LRRC28: variants seen among roughly 807,000 people sequenced by gnomAD.
The protein encoded by LRRC28 is leucine-rich repeat-containing protein 28.
LRRC28 carries 39 observed loss-of-function variants against 45.7 expected under a neutral mutation model. That is an observed-to-expected ratio of 0.85 (90% CI 0.66 to 1.12). The LOEUF is 1.12. Among genes scored for constraint, LRRC28 ranks in the 50% most tolerant of loss-of-function variants. The pLI is 0.00. For missense variants in LRRC28, 435 were observed against 438.5 expected (o/e 0.99, Z 0.07); for synonymous variants, 206 against 178.8 (o/e 1.15, Z -1.22).
chr15:99,302,238 A>G (rs1955004102), intron 5 of LRRC28, among the ~76,000 whole-genome samples: 1 of 152,108 alleles, frequency 6.6e-6, no homozygotes, highest in South Asian at 2.1e-4. Flanking sequence ...CGTGTTAGCC[A>G]GGATGGTCTC....
Position 99,361,476 on chromosome 15 carries a change from G to A in LRRC28, c.836G>A (p.Arg279Lys). The change falls in exon 8 of 10, where the codon AGA becomes AAA. Residue 279 changes from arginine (R) to lysine (K), a missense_variant. Arg to Lys is a conservative substitution (Grantham distance 26). Transcript: ENST00000301981. ...CTCCCTCTGCAGGAATTGGCTATGA[G>A]AGGGCTGTATCATACCTACCACAGC... ...HVLPLQELAM[R>K]GLYHTYHSLL... 6.2e-7 allele frequency: 1 copy of A among 1,613,692 alleles called. No individual in the cohort carries two copies. The highest frequency in any genetic ancestry group is 8.5e-7 in the Non-Finnish European group (1 of 1,179,818).
At chr15:99,348,578 T>G (rs751985522) in intron 6 of LRRC28, among the ~76,000 whole-genome samples, 3 of 152,172 alleles carry the variant, frequency 2.0e-5, no homozygotes, top group Admixed American at 6.5e-5. Context: ...TTTGGATTCA[T>G]TTCTGGACTC....
intron 6 of LRRC28, among the ~76,000 whole-genome samples, chr15:99,350,218 A>G (rs189282592): frequency 6.6e-6 from 1 of 152,260 alleles, no homozygotes; most frequent in East Asian, 1.9e-4. Context: ...GGATGGCAAA[A>G]ATTTAAAAAC....
At chr15:99,288,712 C>T (rs1445162182) in intron 5 of LRRC28, among the ~76,000 whole-genome samples, 7 of 150,990 alleles carry the variant, frequency 4.6e-5, no homozygotes, top group African/African-American at 1.7e-4. Context: ...CAGAGTCTCA[C>T]TCTGTTGCCC....
intron 6 of LRRC28, among the ~76,000 whole-genome samples, chr15:99,336,567 C>T (rs1325243373): frequency 6.6e-6 from 1 of 152,202 alleles, no homozygotes; most frequent in African/African-American, 2.4e-5. Flanking sequence ...TCGTTGGCCT[C>T]ATTCAATCTC....
chr15:99,253,436 TA>T (rs2080924690), intron 1 of LRRC28, among the ~76,000 whole-genome samples: 1 of 152,288 alleles, frequency 6.6e-6, no homozygotes, highest in East Asian at 1.9e-4. Context: ...AAGTAATTTT[TA>T]TGTTGAAATC....
chr15:99,322,162 G>C (rs1411976583), intron 5 of LRRC28, among the ~76,000 whole-genome samples: 2 of 152,178 alleles, frequency 1.3e-5, no homozygotes, highest in South Asian at 2.1e-4. Context: ...GCGAGGTGGG[G>C]AAGAGAGGTG....
intron 7 of LRRC28, among the ~76,000 whole-genome samples, chr15:99,359,124 C>T (rs1045469239): frequency 6.6e-6 from 1 of 151,564 alleles, no homozygotes; most frequent in Non-Finnish European, 1.5e-5. Context: ...CTGGAAGAAA[C>T]TTTAGGATAA....
chr15:99,266,464 C>A (rs1264616156), intron 2 of LRRC28, among the ~76,000 whole-genome samples: 4 of 149,256 alleles, frequency 2.7e-5, no homozygotes, highest in Admixed American at 6.7e-5. Context: ...CATAGTGAGA[C>A]CTTGTCTAAA....
At chr15:99,258,702 C>T (rs2081101644) in intron 2 of LRRC28, 4 of 713,176 alleles carry the variant, frequency 5.6e-6, no homozygotes, top group Admixed American at 1.9e-5. Context: ...AAATCATTTT[C>T]AAAGGAAAGT....
intron 6 of LRRC28, among the ~76,000 whole-genome samples, chr15:99,338,866 A>G (rs564067890): frequency 2.6e-4 from 40 of 152,194 alleles, no homozygotes; most frequent in Non-Finnish European, 4.9e-4. Flanking sequence ...CTCTTTGACT[A>G]TGTTCTTCTT....
At chr15:99,324,414 C>G (rs1036611705) in intron 5 of LRRC28, among the ~76,000 whole-genome samples, 1 of 152,080 alleles carries the variant, frequency 6.6e-6, no homozygotes, top group South Asian at 2.1e-4. Context: ...TGCTCTGGAG[C>G]TCAACTTAGA....
chr15:99,258,847 C>T (rs2081105912), intron 2 of LRRC28: 5 of 702,942 alleles, frequency 7.1e-6, no homozygotes, highest in South Asian at 5.5e-5. Flanking sequence ...ACATTAAGCT[C>T]TATGTGCGCT....
chr15:99,348,374 A>G (rs1248863536), intron 6 of LRRC28, among the ~76,000 whole-genome samples: 1 of 152,026 alleles, frequency 6.6e-6, no homozygotes, highest in Non-Finnish European at 1.5e-5. Flanking sequence ...CTTTTCTCCT[A>G]TGTTTTATTC....
chr15:99,309,561 A>G (rs964103352), intron 5 of LRRC28, among the ~76,000 whole-genome samples: 11 of 152,168 alleles, frequency 7.2e-5, no homozygotes, highest in Admixed American at 7.2e-4. Context: ...GGCACGCGCC[A>G]CCACGCCTGG....
chr15:99,253,378 C>A (rs1283881461), intron 1 of LRRC28, among the ~76,000 whole-genome samples: 5 of 152,178 alleles, frequency 3.3e-5, no homozygotes, highest in Non-Finnish European at 7.3e-5. Flanking sequence ...TCCTCGGCCT[C>A]CCAAAGTGCT....
At chr15:99,371,226 A>G (rs1957475909) in intron 9 of LRRC28, among the ~76,000 whole-genome samples, 1 of 152,206 alleles carries the variant, frequency 6.6e-6, no homozygotes, top group South Asian at 2.1e-4. Flanking sequence ...GTTAGCAAAC[A>G]CACTTCGAAC....
Position 99,361,326 on chromosome 15 carries a change from C to CT in LRRC28, c.696-7dup, listed in dbSNP as rs761121770. The CT allele has an allele frequency of 3.7e-5, 59 of 1,606,296 alleles. No individual in the cohort carries two copies. The highest frequency in any genetic ancestry group is 5.0e-5 in the Non-Finnish European group (59 of 1,177,084). On this transcript the variant is annotated splice_polypyrimidine_tract_variant and intron_variant, in intron 7 of 9. Transcript: ENST00000301981. The stretch of plus-strand genomic sequence containing the variant: ...TGCTAATAATACTGTGAATGTGTGT[C>CT]TTTCTGCAGCTGTGGTGCTCCCATT...
intron 3 of LRRC28, among the ~76,000 whole-genome samples, chr15:99,283,542 G>A (rs1227413493): frequency 6.7e-6 from 1 of 150,344 alleles, no homozygotes; most frequent in African/African-American, 2.4e-5. Context: ...CTTGTACCCA[G>A]GAGGCAGAGG....
Sources: allele counts gnomAD v4.1 joint callset (sites outside exome capture counted in the v4.1 genomes callset), GRCh38; gene constraint gnomAD v4.1.1; transcripts MANE v1.5; gene names NCBI Gene and HGNC (gene_info 2026-07-23, HGNC 2026-07-21).